EIF4G3: variants seen among roughly 807,000 people sequenced by gnomAD.
EIF4G3 encodes the protein eukaryotic translation initiation factor 4 gamma 3, also known as eIF-4-gamma 3.
EIF4G3 carries 34 observed loss-of-function variants against 186.4 expected under a neutral mutation model. That is an observed-to-expected ratio of 0.18 (90% CI 0.14 to 0.24). The LOEUF (loss-of-function observed/expected upper bound fraction) is 0.24, where lower values mean the gene tolerates loss of function less well. Ranked by LOEUF, EIF4G3 falls within the 10% of genes least tolerant of loss-of-function variation. The probability of loss-of-function intolerance (pLI) is 1.00; values close to 1 mark genes in which losing one functional copy is unlikely to be tolerated. For missense variants in EIF4G3, 1,536 were observed against 1,948.5 expected, an observed-to-expected ratio of 0.79 and a Z score of 3.99; for synonymous variants, 673 against 679.5, an observed-to-expected ratio of 0.99 and a Z score of 0.15.
At chr1:20,919,378 T>A (rs192412141) in intron 14 of EIF4G3, among the ~76,000 whole-genome samples, 2 of 152,240 alleles carry the variant, frequency 1.3e-5, no homozygotes, top group African/African-American at 4.8e-5. Flanking sequence ...CTGGCTAATT[T>A]TTGTATTGTA....
intron 22 of EIF4G3, 127 bp downstream of exon 22, chr1:20,864,348 CG>C: frequency 1.4e-6 from 1 of 735,524 alleles, no homozygotes. Flanking sequence ...GACAATGAGA[CG>C]GGCAAAAGAA....
intron 3 of EIF4G3, among the ~76,000 whole-genome samples, chr1:21,077,881 C>CA (rs369662502): frequency 0.1 from 6,080 of 59,840 alleles, 165 homozygotes; most frequent in African/African-American, 0.13. Context: ...AACTCCGTCT[C>CA]AAAAAAAAAA....
intron 4 of EIF4G3, among the ~76,000 whole-genome samples, chr1:21,017,352 G>A (rs2089415893): frequency 6.6e-6 from 1 of 152,044 alleles, no homozygotes; most frequent in South Asian, 2.1e-4. Context: ...TCCTTGGCCG[G>A]GCGCAGTGGC....
At chr1:21,047,072 T>A (rs1190709803) in intron 4 of EIF4G3, among the ~76,000 whole-genome samples, 1 of 152,120 alleles carries the variant, frequency 6.6e-6, no homozygotes, top group Non-Finnish European at 1.5e-5. Context: ...GAAACGAAGT[T>A]CCAGAGATAT....
intron 3 of EIF4G3, among the ~76,000 whole-genome samples, chr1:21,078,058 T>C (rs1310431470): frequency 6.6e-6 from 1 of 152,038 alleles, no homozygotes; most frequent in Non-Finnish European, 1.5e-5. Context: ...TGGGTACATA[T>C]CCAAAAGAAA....
intron 2 of EIF4G3, among the ~76,000 whole-genome samples, chr1:21,132,744 T>C (rs1363560495): frequency 6.6e-6 from 1 of 151,864 alleles, no homozygotes; most frequent in Non-Finnish European, 1.5e-5. Flanking sequence ...CCAGCTTTCA[T>C]AGCTTTTAAA....
At chr1:20,935,346 G>GA (rs2095486376) in intron 14 of EIF4G3, among the ~76,000 whole-genome samples, 1 of 151,968 alleles carries the variant, frequency 6.6e-6, no homozygotes, top group African/African-American at 2.4e-5. Context: ...TTTGGAAACA[G>GA]AAAAATGTAC....
rs1348201001 is a variant in EIF4G3 at position 20,942,041 on chromosome 1, G to A, written c.1113C>T (p.Ser371=). The change falls in exon 14 of 37, where the codon AGC becomes AGT. Residue 371 remains serine (S), a synonymous_variant. Coordinates refer to ENST00000602326, the MANE Select transcript of EIF4G3 (RefSeq NM_001391906.1). ...SPREDTIPIP[S]LTSCTETSDP... ...CTGATGTTTCTGTGCAAGATGTGAG[G>A]CTGGGTATAGGAATTGTGTCTTCTC... is the stretch of plus-strand genomic sequence containing the variant. 1 of 1,614,128 alleles carries A rather than the reference G, an allele frequency of 6.2e-7. No homozygotes were observed. Among genetic ancestry groups the A allele is most frequent in the South Asian group, 1.1e-5 (1 of 91,088 alleles).
intron 33 of EIF4G3, among the ~76,000 whole-genome samples, chr1:20,819,498 C>G (rs2061796552): frequency 6.6e-6 from 1 of 151,442 alleles, no homozygotes; most frequent in Non-Finnish European, 1.5e-5. Context: ...TGCTCTTTTG[C>G]CCGGGTTGCA....
chr1:21,166,376 G>C (rs529099506), intron 2 of EIF4G3, among the ~76,000 whole-genome samples: 2 of 152,190 alleles, frequency 1.3e-5, no homozygotes, highest in Non-Finnish European at 2.9e-5. Flanking sequence ...GCTACTGTGA[G>C]CCATAATTAT....
chr1:20,927,650 G>A (rs1010855411), intron 14 of EIF4G3, among the ~76,000 whole-genome samples: 9 of 152,130 alleles, frequency 5.9e-5, no homozygotes, highest in African/African-American at 1.9e-4. Context: ...TCTCAGGTAG[G>A]AGAGTTGAAG....
intron 2 of EIF4G3, among the ~76,000 whole-genome samples, chr1:21,096,627 T>C (rs1302162971): frequency 6.6e-6 from 1 of 152,094 alleles, no homozygotes; most frequent in African/African-American, 2.4e-5. Context: ...ATAACCAAAA[T>C]AAAACATGCT....
At chr1:21,012,127 T>C (rs1321353193) in intron 4 of EIF4G3, among the ~76,000 whole-genome samples, 1 of 152,186 alleles carries the variant, frequency 6.6e-6, no homozygotes, top group Non-Finnish European at 1.5e-5. Context: ...CCTCTTGCTA[T>C]TTAATTATTA....
At chr1:20,856,728 T>C (rs976726663) in intron 25 of EIF4G3, among the ~76,000 whole-genome samples, 3 of 152,192 alleles carry the variant, frequency 2.0e-5, no homozygotes, top group Admixed American at 6.5e-5. Flanking sequence ...ATTGCTTTTT[T>C]CCCCAGAGCT....
chr1:20,934,254 T>C (rs1438173890), intron 14 of EIF4G3, among the ~76,000 whole-genome samples: 6 of 152,170 alleles, frequency 3.9e-5, no homozygotes, highest in Non-Finnish European at 8.8e-5. Flanking sequence ...AATCAGACTA[T>C]ATGTTAGTTG....
At chr1:21,087,363 C>T (rs576980313) in intron 3 of EIF4G3, among the ~76,000 whole-genome samples, 190 of 152,322 alleles carry the variant, frequency 1.2e-3, no homozygotes, top group African/African-American at 4.5e-3. Context: ...TGGCTCACGC[C>T]TGTAATCCCA....
chr1:21,014,515 C>G (rs1570991997), intron 4 of EIF4G3, among the ~76,000 whole-genome samples: 1 of 152,040 alleles, frequency 6.6e-6, no homozygotes, highest in South Asian at 2.1e-4. Context: ...TTGTTCCTTT[C>G]TTTGCATCCA....
chr1:20,964,472 C>T (rs1376887645), intron 12 of EIF4G3, among the ~76,000 whole-genome samples: 1 of 152,232 alleles, frequency 6.6e-6, no homozygotes, highest in Non-Finnish European at 1.5e-5. Context: ...CTAGCTAACC[C>T]ACAGAAAATT....
chr1:21,000,947 A>T (rs1368654838), intron 6 of EIF4G3, among the ~76,000 whole-genome samples: 1 of 152,208 alleles, frequency 6.6e-6, no homozygotes, highest in Non-Finnish European at 1.5e-5. Flanking sequence ...GGGATATCTC[A>T]CTTCAAGTTT....
Sources: allele counts gnomAD v4.1 joint callset (sites outside exome capture counted in the v4.1 genomes callset), GRCh38; gene constraint gnomAD v4.1.1; transcripts MANE v1.5; gene names NCBI Gene and HGNC (gene_info 2026-07-23, HGNC 2026-07-21).